SCMH1: variants seen among roughly 807,000 people sequenced by gnomAD.
The protein encoded by SCMH1 is polycomb protein SCMH1.
A neutral mutation model predicts 70.8 loss-of-function variants in SCMH1; 37 were observed. The ratio of observed to expected loss-of-function variants is 0.52; its 90% CI spans 0.40 to 0.69. The LOEUF (loss-of-function observed/expected upper bound fraction) is 0.69, where lower values mean the gene tolerates loss of function less well. Ranked by LOEUF, SCMH1 falls within the 30% of genes least tolerant of loss-of-function variation. SCMH1 has a pLI of 0.00. For missense variants in SCMH1, 607 were observed against 827.3 expected (o/e 0.73, Z 3.27); for synonymous variants, 292 against 307.4 (o/e 0.95, Z 0.52).
intron 6 of SCMH1, among the ~76,000 whole-genome samples, chr1:41,121,510 G>T (rs905763822): frequency 6.6e-6 from 1 of 152,108 alleles, no homozygotes; most frequent in South Asian, 2.1e-4. Flanking sequence ...ATTAGGCAAC[G>T]ACCTAGGCTG....
At chr1:41,134,133 G>A (rs1177625221) in intron 6 of SCMH1, among the ~76,000 whole-genome samples, 1 of 152,054 alleles carries the variant, frequency 6.6e-6, no homozygotes, top group Non-Finnish European at 1.5e-5. Context: ...TTCAACATAC[G>A]CAAATCAATA....
chr1:41,104,522 A>G lies in SCMH1; in HGVS notation c.745+8761T>C, dbSNP rs542951169. 3.3e-5 allele frequency among the ~76,000 whole-genome samples: 5 copies of G among 152,376 alleles called. No homozygotes were observed. In the South Asian group the frequency reaches 1.0e-3, roughly 32 times the overall value. On this transcript the variant is annotated intron_variant, in intron 8 of 14. Coordinates refer to ENST00000337495, the Ensembl canonical transcript of SCMH1. Reference sequence around the variant, plus strand: ...ATAAATGATAAATGTTTGTGGTGACAGATATCCCAATGACCCTGATTTGAT... The same window carrying G: ...ATAAATGATAAATGTTTGTGGTGACGGATATCCCAATGACCCTGATTTGAT...
At chr1:41,175,976 T>C (rs984688800) in intron 2 of SCMH1, among the ~76,000 whole-genome samples, 1 of 151,480 alleles carries the variant, frequency 6.6e-6, no homozygotes, top group Admixed American at 6.6e-5. Context: ...CAATATATAT[T>C]CCATTTATAT....
chr1:41,099,099 C>A, intron 8 of SCMH1: 1 of 239,156 alleles, frequency 4.2e-6, no homozygotes. Flanking sequence ...GATTATGATG[C>A]TCTGGATGTT....
chr1:41,239,692 G>A (rs1475788691), intron 1 of SCMH1, among the ~76,000 whole-genome samples: 1 of 152,262 alleles, frequency 6.6e-6, no homozygotes, highest in Non-Finnish European at 1.5e-5. Flanking sequence ...TTGCTATGGC[G>A]TGATCATGGC....
intron 8 of SCMH1, among the ~76,000 whole-genome samples, chr1:41,097,259 T>C (rs2149069826): frequency 1.3e-5 from 2 of 152,326 alleles, no homozygotes; most frequent in South Asian, 4.1e-4. Context: ...TGTTCATGTT[T>C]AGATCTAGCA....
intron 12 of SCMH1, among the ~76,000 whole-genome samples, chr1:41,040,909 A>T (rs1472356058): frequency 6.7e-6 from 1 of 149,812 alleles, no homozygotes; most frequent in Non-Finnish European, 1.5e-5. Flanking sequence ...AACAACAACA[A>T]AAAAAGGAGG....
chr1:41,164,669 C>T (rs528814286), intron 2 of SCMH1, among the ~76,000 whole-genome samples: 1 of 152,240 alleles, frequency 6.6e-6, no homozygotes, highest in Admixed American at 6.5e-5. Context: ...AAAGCCAACC[C>T]TCCATTTTAG....
intron 2 of SCMH1, among the ~76,000 whole-genome samples, chr1:41,173,672 T>C (rs115747128): frequency 5.9e-5 from 9 of 152,314 alleles, no homozygotes; most frequent in Middle Eastern, 3.4e-3. Context: ...CCCATGTTCA[T>C]TGCAGCACTA....
chr1:41,227,969 G>A (rs192115731), intron 1 of SCMH1, among the ~76,000 whole-genome samples: 1 of 152,286 alleles, frequency 6.6e-6, no homozygotes, highest in African/African-American at 2.4e-5. Flanking sequence ...CTGGTCGACA[G>A]TGCAAGACTC....
intron 5 of SCMH1, among the ~76,000 whole-genome samples, chr1:41,146,950 A>T (rs1644637423): frequency 6.6e-6 from 1 of 151,770 alleles, no homozygotes; most frequent in African/African-American, 2.4e-5. Context: ...CTTTATATAA[A>T]TTTTTCGTAT....
At chr1:41,233,395 A>G (rs1661689573) in intron 1 of SCMH1, among the ~76,000 whole-genome samples, 1 of 152,190 alleles carries the variant, frequency 6.6e-6, no homozygotes, top group Admixed American at 6.5e-5. Context: ...CAGAAAGTAC[A>G]GAAGAATAAA....
intron 8 of SCMH1, among the ~76,000 whole-genome samples, chr1:41,095,774 C>T (rs944911287): frequency 1.3e-5 from 2 of 152,040 alleles, no homozygotes; most frequent in African/African-American, 2.4e-5. Context: ...ACTAAGGATA[C>T]GTTCCTTGGC....
intron 10 of SCMH1, among the ~76,000 whole-genome samples, chr1:41,058,375 C>CTTTTTTTTTTT (rs1252087982): frequency 8.7e-4 from 34 of 38,970 alleles, no homozygotes; most frequent in East Asian, 2.5e-3. Flanking sequence ...CATTTTCTTT[C>CTTTTTTTTTTT]TTGTTTTTTT....
At chr1:41,031,346 C>A (rs189637675) in intron 13 of SCMH1, among the ~76,000 whole-genome samples, 2 of 152,140 alleles carry the variant, frequency 1.3e-5, no homozygotes, top group East Asian at 3.9e-4. Flanking sequence ...CACACACACA[C>A]ACCTGTTAAA....
chr1:41,105,782 C>T (rs950218131), intron 8 of SCMH1, among the ~76,000 whole-genome samples: 3 of 152,122 alleles, frequency 2.0e-5, no homozygotes, highest in Middle Eastern at 3.2e-3. Flanking sequence ...ATCCCTGACT[C>T]CAGCATCTGA....
chr1:41,093,236 A>G (rs1424690355), intron 8 of SCMH1, among the ~76,000 whole-genome samples: 1 of 152,012 alleles, frequency 6.6e-6, no homozygotes, highest in Non-Finnish European at 1.5e-5. Context: ...ACATGGATGA[A>G]GCTGGAAACC....
At chr1:41,187,832 A>T (rs868036634) in intron 1 of SCMH1, among the ~76,000 whole-genome samples, 40 of 151,838 alleles carry the variant, frequency 2.6e-4, no homozygotes, top group South Asian at 1.7e-3. Context: ...AAAAAATATA[A>T]AAATTAGCCA....
At position 41,113,256 on chromosome 1, in the gene SCMH1, T is replaced by A; in HGVS notation, c.745+27A>T. The A allele has an allele frequency of 6.2e-7, 1 of 1,605,738 alleles. No homozygotes were observed. The highest frequency in any genetic ancestry group is 8.5e-7 in the Non-Finnish European group (1 of 1,176,466). On this transcript the variant is annotated intron_variant, in intron 8 of 14. Transcript: ENST00000337495. The surrounding 1 kb of genome is among the most constrained non-coding windows in gnomAD (Gnocchi z 4.3). ...TCTCCCTTATCATCTGGGTCCTGAT[T>A]TCAAGAGCACGTAGATGGGCCTTTA...
Sources: gnomAD v4.1 joint callset for allele counts (sites outside exome capture counted in the v4.1 genomes callset) on GRCh38, gnomAD v4.1.1 for gene constraint, Gnocchi (gnomAD v3.1) non-coding constraint, MANE v1.5 for transcripts, NCBI Gene and HGNC (gene_info 2026-07-23, HGNC 2026-07-21) for gene names.